MAP2K5: variants seen among roughly 807,000 people sequenced by gnomAD.
The protein encoded by MAP2K5 is mitogen-activated protein kinase kinase 5.
In MAP2K5, 49 loss-of-function variants were observed where a neutral mutation model predicts 83.1. The observed-to-expected ratio is 0.59, with a 90% CI of 0.47 to 0.75. The LOEUF is 0.75. Among genes scored for constraint, MAP2K5 ranks in the 30% least tolerant of loss-of-function variants. The pLI is 0.00. For synonymous variants in MAP2K5, 202 were observed against 191.8 expected (o/e 1.05, Z -0.44); for missense variants, 457 against 557.5 (o/e 0.82, Z 1.82).
chr15:67,672,071 A>T (rs2087554459), intron 13 of MAP2K5, among the ~76,000 whole-genome samples: 1 of 152,012 alleles, frequency 6.6e-6, no homozygotes, highest in South Asian at 2.1e-4. Flanking sequence ...ATTGTTGGAC[A>T]TTTGGGTTGG....
chr15:67,608,595 G>C (rs934501771), intron 8 of MAP2K5, among the ~76,000 whole-genome samples: 3 of 152,178 alleles, frequency 2.0e-5, no homozygotes, highest in East Asian at 1.9e-4. Context: ...ATCAGGAAAG[G>C]CCTCATGGAG....
intron 21 of MAP2K5, among the ~76,000 whole-genome samples, chr15:67,795,112 A>G (rs2141337857): frequency 6.6e-6 from 1 of 151,812 alleles, no homozygotes; most frequent in East Asian, 1.9e-4. Context: ...GCTTCATATC[A>G]TTCATATGGT....
chr15:67,564,561 A>AGAATT (rs2084802077), intron 3 of MAP2K5, among the ~76,000 whole-genome samples: 1 of 152,246 alleles, frequency 6.6e-6, no homozygotes, highest in Non-Finnish European at 1.5e-5. Context: ...TGATTAACAG[A>AGAATT]GCATTGCATT....
chr15:67,556,256 G>A (rs1167904920), intron 2 of MAP2K5, among the ~76,000 whole-genome samples: 3 of 152,034 alleles, frequency 2.0e-5, no homozygotes, highest in Non-Finnish European at 4.4e-5. Context: ...GGTTTGTTCT[G>A]GTCTTCTTAT....
intron 9 of MAP2K5, among the ~76,000 whole-genome samples, chr15:67,635,115 A>G (rs2086570655): frequency 6.6e-6 from 1 of 151,244 alleles, no homozygotes; most frequent in Non-Finnish European, 1.5e-5. Flanking sequence ...TTGTTTTATT[A>G]TCATCCATTT....
At chr15:67,659,012 A>G (rs1334925837) in intron 12 of MAP2K5, 1 of 284,198 alleles carries the variant, frequency 3.5e-6, no homozygotes, top group African/African-American at 2.2e-5. Context: ...TAATTTATTA[A>G]GAACAAAGTA....
intron 8 of MAP2K5, among the ~76,000 whole-genome samples, chr15:67,626,780 G>A (rs1022638558): frequency 2.6e-5 from 4 of 151,168 alleles, no homozygotes; most frequent in African/African-American, 9.7e-5. Context: ...TACTCCTGTA[G>A]TACCAGCGGT....
intron 1 of MAP2K5, among the ~76,000 whole-genome samples, chr15:67,545,042 G>A (rs774699886): frequency 5.3e-5 from 8 of 152,070 alleles, no homozygotes; most frequent in African/African-American, 1.4e-4. Flanking sequence ...CTCTCTTCAC[G>A]GCCCCATAAA....
Position 67,774,080 on chromosome 15 carries a change from A to G in MAP2K5, c.1242+1328A>G, listed in dbSNP as rs1175502664. Among the ~76,000 whole-genome samples the G allele has an allele frequency of 1.3e-5, 2 of 152,170 alleles. No homozygotes were observed. On this transcript the variant is annotated intron_variant, in intron 21 of 21. Coordinates refer to ENST00000178640, the MANE Select transcript of MAP2K5 (RefSeq NM_145160.3). This position sits in a 1 kb window ranked among gnomAD's most constrained non-coding sequence, Gnocchi z 4.9. ...ATGTATATGGATGTATATGTTGGTA[A>G]GGAACACCACTCCAGGGTGGCACAT...
chr15:67,772,437 A>G (rs2141304706), intron 20 of MAP2K5, among the ~76,000 whole-genome samples: 1 of 152,086 alleles, frequency 6.6e-6, no homozygotes, highest in South Asian at 2.1e-4. Flanking sequence ...TTTAATTTAA[A>G]TTCATTCTTT....
At chr15:67,571,669 C>T (rs2084949188) in intron 3 of MAP2K5, among the ~76,000 whole-genome samples, 1 of 151,924 alleles carries the variant, frequency 6.6e-6, no homozygotes, top group African/African-American at 2.4e-5. Context: ...ATCTTCTTAA[C>T]ATCTTTATAA....
In MAP2K5 at chr15:67,768,284, A is replaced by G. The variant is rs769558422; in HGVS notation, c.1135-1318A>G. Among the ~76,000 whole-genome samples, 1 of 152,204 alleles carries G rather than the reference A, an allele frequency of 6.6e-6. No individual in the cohort carries two copies. Among genetic ancestry groups the G allele is most frequent in the African/African-American group, 2.4e-5 (1 of 41,444 alleles). On this transcript the variant is annotated intron_variant, in intron 19 of 21. Transcript: ENST00000178640. The surrounding 1 kb of genome is among the most constrained non-coding windows in gnomAD (Gnocchi z 4.0). ...TACTAATCACATAGGAGGCTGTGCA[A>G]TTGTATCTATCTGCCACCATTGATA...
chr15:67,641,535 C>T, intron 9 of MAP2K5: 1 of 998,082 alleles, frequency 1.0e-6, no homozygotes, highest in Non-Finnish European at 1.2e-6. Flanking sequence ...TTAATAGCCT[C>T]ACACTAATTT....
intron 15 of MAP2K5, among the ~76,000 whole-genome samples, chr15:67,700,075 C>T (rs2088377439): frequency 6.6e-6 from 1 of 151,882 alleles, no homozygotes; most frequent in South Asian, 2.1e-4. Context: ...TAGCCTGAGT[C>T]TGAACAGAAA....
chr15:67,584,235 G>GT (rs1229569614), intron 4 of MAP2K5, among the ~76,000 whole-genome samples: 3 of 152,180 alleles, frequency 2.0e-5, no homozygotes, highest in Admixed American at 1.3e-4. Flanking sequence ...AGGTTACTGG[G>GT]TTTTTTGACT....
intron 12 of MAP2K5, among the ~76,000 whole-genome samples, chr15:67,661,489 C>T (rs532064026): frequency 6.6e-6 from 1 of 152,190 alleles, no homozygotes; most frequent in South Asian, 2.1e-4. Context: ...CTACTGAATA[C>T]CAATAATATC....
At chr15:67,617,759 A>G (rs943016409) in intron 8 of MAP2K5, among the ~76,000 whole-genome samples, 17 of 152,136 alleles carry the variant, frequency 1.1e-4, no homozygotes, top group Admixed American at 2.6e-4. Flanking sequence ...TGATACGATC[A>G]TGGCTTACTG....
At chr15:67,671,072 C>T (rs574288878) in intron 13 of MAP2K5, among the ~76,000 whole-genome samples, 2 of 152,184 alleles carry the variant, frequency 1.3e-5, no homozygotes, top group Non-Finnish European at 2.9e-5. Context: ...GCAGATCACT[C>T]CTGTTCTCTT....
intron 4 of MAP2K5, among the ~76,000 whole-genome samples, chr15:67,583,374 T>C (rs1037705204): frequency 3.9e-5 from 6 of 152,168 alleles, no homozygotes; most frequent in Non-Finnish European, 7.3e-5. Flanking sequence ...ATATGTAGTC[T>C]TAGCATAAAA....
Sources: gnomAD v4.1 joint callset for allele counts (sites outside exome capture counted in the v4.1 genomes callset) on GRCh38, gnomAD v4.1.1 for gene constraint, Gnocchi (gnomAD v3.1) non-coding constraint, MANE v1.5 for transcripts, NCBI Gene and HGNC (gene_info 2026-07-23, HGNC 2026-07-21) for gene names.